The following AGMO variants were observed in gnomAD, a reference collection of about 807,000 sequenced individuals.
The protein encoded by AGMO is alkylglycerol monooxygenase.
A neutral mutation model predicts 60.2 loss-of-function variants in AGMO; 75 were observed. That is an observed-to-expected ratio of 1.25 (90% CI 1.03 to 1.51). The LOEUF is 1.51. Ranked by LOEUF, AGMO falls within the 40% of genes most tolerant of loss-of-function variation. The pLI, the probability that AGMO is intolerant of heterozygous loss-of-function variation, is 0.00. For synonymous variants in AGMO, 261 were observed against 177.1 expected, an observed-to-expected ratio of 1.47 and a Z score of -3.76; for missense variants, 763 against 525.5, an observed-to-expected ratio of 1.45 and a Z score of -4.42.
chr7:15,141,773 T>G, the AGMO span, among the ~76,000 whole-genome samples: 9 of 152,200 alleles, frequency 5.9e-5, no homozygotes, highest in Admixed American at 3.3e-4. Context: ...TGGGCTAACT[T>G]TGATATTGTC....
chr7:15,299,647 G>C (rs1269316459), intron 12 of AGMO, among the ~76,000 whole-genome samples: 3 of 152,072 alleles, frequency 2.0e-5, no homozygotes, highest in Admixed American at 6.6e-5. Context: ...GCAACACGGT[G>C]AAACCCAGTC....
At chr7:15,153,723 T>A in the AGMO span, among the ~76,000 whole-genome samples, 1 of 152,206 alleles carries the variant, frequency 6.6e-6, no homozygotes, top group Admixed American at 6.5e-5. Flanking sequence ...AGAACCATGC[T>A]GTTTTGGTGA....
intron 12 of AGMO, among the ~76,000 whole-genome samples, chr7:15,242,576 C>T (rs953859224): frequency 6.6e-5 from 10 of 152,090 alleles, no homozygotes; most frequent in African/African-American, 2.4e-4. Flanking sequence ...ATATTGGTCC[C>T]AGAAACCAAG....
rs114388283 is a variant in AGMO at position 15,326,561 on chromosome 7, C to G, written c.1263+38953G>C. On this transcript the variant is annotated intron_variant, in intron 12 of 12. Transcript: ENST00000342526. ...TTAAGGTTATTCCAGCTCCTCTTGC[C>G]TTACTCTTTTCTGAACCCACTGATT... 3.1e-3 allele frequency among the ~76,000 whole-genome samples: 477 copies of G among 152,262 alleles called. 7 individuals carry two copies. The highest frequency in any genetic ancestry group is 0.011 in the African/African-American group (445 of 41,562).
At chr7:15,205,189 T>C (rs906339665) in intron 12 of AGMO, among the ~76,000 whole-genome samples, 1 of 152,188 alleles carries the variant, frequency 6.6e-6, no homozygotes, top group Non-Finnish European at 1.5e-5. Context: ...ACTTACTATA[T>C]TTATCAATAA....
chr7:15,417,023 G>A (rs28395179), intron 5 of AGMO, among the ~76,000 whole-genome samples: 12,644 of 152,120 alleles, frequency 0.083, 865 homozygotes, highest in African/African-American at 0.18. Context: ...TCTATGTTGT[G>A]TATAATAAAC....
At chr7:15,172,519 A>G in the AGMO span, among the ~76,000 whole-genome samples, 1 of 152,202 alleles carries the variant, frequency 6.6e-6, no homozygotes. Flanking sequence ...CACTTAAAAT[A>G]AAACCTGCCA....
intron 4 of AGMO, among the ~76,000 whole-genome samples, chr7:15,424,538 AT>A (rs1275278045): frequency 6.6e-6 from 1 of 152,162 alleles, no homozygotes; most frequent in Non-Finnish European, 1.5e-5. Flanking sequence ...GAATAATTTT[AT>A]TTTTTACCAA....
At chr7:15,406,994 A>T (rs1309045105) in intron 5 of AGMO, among the ~76,000 whole-genome samples, 1 of 144,952 alleles carries the variant, frequency 6.9e-6, no homozygotes, top group Admixed American at 7.0e-5. Flanking sequence ...GTGTGTGTAT[A>T]TATATGGAAT....
intron 3 of AGMO, among the ~76,000 whole-genome samples, chr7:15,480,672 C>G (rs1371274220): frequency 6.6e-6 from 1 of 152,098 alleles, no homozygotes. Flanking sequence ...TGAAACTTAC[C>G]TTTATCTGTT....
At chr7:15,146,868 C>T in the AGMO span, among the ~76,000 whole-genome samples, 29 of 152,248 alleles carry the variant, frequency 1.9e-4, no homozygotes, top group South Asian at 2.1e-3. Flanking sequence ...GTAGCTAACA[C>T]TATATTCAGT....
At chr7:15,499,907 G>GCACACACACACACA (rs367953278) in intron 3 of AGMO, among the ~76,000 whole-genome samples, 1 of 137,718 alleles carries the variant, frequency 7.3e-6, no homozygotes, top group African/African-American at 2.6e-5. Flanking sequence ...TATGTATTAC[G>GCACACACACACACA]CACACACACA....
intron 3 of AGMO, among the ~76,000 whole-genome samples, chr7:15,521,988 A>C (rs2128536101): frequency 6.6e-6 from 1 of 152,356 alleles, no homozygotes; most frequent in Non-Finnish European, 1.5e-5. Flanking sequence ...CTGATAAGCA[A>C]ACTCAGCAAA....
intron 3 of AGMO, among the ~76,000 whole-genome samples, chr7:15,499,624 C>A (rs778228709): frequency 6.6e-6 from 1 of 151,694 alleles, no homozygotes; most frequent in South Asian, 2.1e-4. Flanking sequence ...TTCCCCTTTG[C>A]GGCATCCTTT....
At chr7:15,493,644 G>A (rs1178658588) in intron 3 of AGMO, among the ~76,000 whole-genome samples, 1 of 151,840 alleles carries the variant, frequency 6.6e-6, no homozygotes, top group Non-Finnish European at 1.5e-5. Flanking sequence ...CAAAGTGCTG[G>A]GATTACAGGC....
At chr7:15,532,182 A>G (rs1784385567) in intron 3 of AGMO, among the ~76,000 whole-genome samples, 1 of 152,250 alleles carries the variant, frequency 6.6e-6, no homozygotes, top group Admixed American at 6.5e-5. Flanking sequence ...ATCATTAAAT[A>G]TAATTTTTGT....
chr7:15,185,579 C>T, the AGMO span, among the ~76,000 whole-genome samples: 1 of 152,102 alleles, frequency 6.6e-6, no homozygotes, highest in African/African-American at 2.4e-5. Flanking sequence ...TCATGACTGC[C>T]AGTCGGCATC....
At chr7:15,482,667 A>T (rs1289674525) in intron 3 of AGMO, among the ~76,000 whole-genome samples, 1 of 152,174 alleles carries the variant, frequency 6.6e-6, no homozygotes, top group Non-Finnish European at 1.5e-5. Context: ...TTTAGTAACA[A>T]ATCTAGAAAT....
At chr7:15,416,065 C>CCTCTGT (rs1780760781) in intron 5 of AGMO, among the ~76,000 whole-genome samples, 1 of 146,512 alleles carries the variant, frequency 6.8e-6, no homozygotes, top group African/African-American at 2.5e-5. Flanking sequence ...AGGGAGTCTC[C>CCTCTGT]CTCTGTCGCC....
Sources: gnomAD v4.1 joint callset for allele counts (sites outside exome capture counted in the v4.1 genomes callset) on GRCh38, gnomAD v4.1.1 for gene constraint, MANE v1.5 for transcripts, NCBI Gene and HGNC (gene_info 2026-07-23, HGNC 2026-07-21) for gene names.